Variants in AKR1C8 observed in about 807,000 individuals in gnomAD.
The protein encoded by AKR1C8 is aldo-keto reductase family 1 member C-like protein 1.
the AKR1C8 span, among the ~76,000 whole-genome samples, chr10:5,142,950 A>T: frequency 6.6e-6 from 1 of 152,112 alleles, no homozygotes; most frequent in African/African-American, 2.4e-5. Flanking sequence ...AGGACAAAAA[A>T]GTGAGTCATA....
chr10:5,183,165 T>G, the AKR1C8 span, among the ~76,000 whole-genome samples: 1 of 152,008 alleles, frequency 6.6e-6, no homozygotes, highest in East Asian at 1.9e-4. Flanking sequence ...CAACAATCTC[T>G]GACTACAACA....
chr10:5,184,998 T>A, the AKR1C8 span: 1 of 534,548 alleles, frequency 1.9e-6, no homozygotes, highest in Non-Finnish European at 3.8e-6. Flanking sequence ...TTCAGCCTCC[T>A]GGGGTCCACT....
the AKR1C8 span, among the ~76,000 whole-genome samples, chr10:5,181,044 C>G: frequency 6.6e-6 from 1 of 152,210 alleles, no homozygotes. Flanking sequence ...CCCGGTACCT[C>G]AGATGGAAAT....
At chr10:5,164,927 T>A in the AKR1C8 span, among the ~76,000 whole-genome samples, 4 of 152,194 alleles carry the variant, frequency 2.6e-5, no homozygotes, top group Non-Finnish European at 4.4e-5. Flanking sequence ...TCATGTCTTC[T>A]GTTCCTTCTT....
chr10:5,154,286 C>T, the AKR1C8 span: 5 of 438,190 alleles, frequency 1.1e-5, no homozygotes, highest in Non-Finnish European at 1.9e-5. Context: ...TTTACCACCA[C>T]GTCCCTACTT....
chr10:5,133,855 T>C, the AKR1C8 span, among the ~76,000 whole-genome samples: 2 of 152,102 alleles, frequency 1.3e-5, no homozygotes, highest in Non-Finnish European at 2.9e-5. Flanking sequence ...GAAGTAAATA[T>C]GACGAGTAAA....
At chr10:5,124,408 G>A in the AKR1C8 span, among the ~76,000 whole-genome samples, 3 of 152,084 alleles carry the variant, frequency 2.0e-5, no homozygotes, top group African/African-American at 4.8e-5. Context: ...TAATTAAAGG[G>A]AAAGAGTTAA....
the AKR1C8 span, among the ~76,000 whole-genome samples, chr10:5,142,275 G>T: frequency 6.6e-6 from 1 of 152,244 alleles, no homozygotes; most frequent in South Asian, 2.1e-4. Flanking sequence ...TGTTGTGGCT[G>T]GTTGATCTTC....
the AKR1C8 span, among the ~76,000 whole-genome samples, chr10:5,138,493 G>A: frequency 6.6e-6 from 1 of 151,962 alleles, no homozygotes; most frequent in Admixed American, 6.6e-5. Flanking sequence ...CTTTTTCAAG[G>A]TGCACTGATT....
At chr10:5,178,404 G>A in the AKR1C8 span, among the ~76,000 whole-genome samples, 1 of 152,162 alleles carries the variant, frequency 6.6e-6, no homozygotes, top group Admixed American at 6.5e-5. Context: ...TTCCAACCAT[G>A]TGGTCAATTT....
the AKR1C8 span, among the ~76,000 whole-genome samples, chr10:5,171,200 T>C: frequency 6.6e-6 from 1 of 152,082 alleles, no homozygotes; most frequent in Admixed American, 6.6e-5. Flanking sequence ...TAAGAGTACC[T>C]GTTAGAGCTT....
At chr10:5,177,130 T>C in the AKR1C8 span, among the ~76,000 whole-genome samples, 1 of 152,188 alleles carries the variant, frequency 6.6e-6, no homozygotes, top group South Asian at 2.1e-4. Context: ...TAGATAGCTC[T>C]TATTATTTTG....
the AKR1C8 span, among the ~76,000 whole-genome samples, chr10:5,152,980 A>T: frequency 1.3e-5 from 2 of 152,132 alleles, no homozygotes; most frequent in Non-Finnish European, 2.9e-5. Flanking sequence ...TTGAAAAAAA[A>T]GTTTGGAATG....
the AKR1C8 span, among the ~76,000 whole-genome samples, chr10:5,164,987 G>A: frequency 4.3e-3 from 648 of 152,096 alleles, 7 homozygotes; most frequent in Non-Finnish European, 6.7e-3. Context: ...ATTCTTATTG[G>A]GTAAACTCAG....
chr10:5,134,559 T>C, the AKR1C8 span, among the ~76,000 whole-genome samples: 5 of 152,124 alleles, frequency 3.3e-5, no homozygotes, highest in Admixed American at 3.3e-4. Flanking sequence ...AGGTTCTAGT[T>C]TTTTCTTAAA....
the AKR1C8 span, among the ~76,000 whole-genome samples, chr10:5,144,458 C>T: frequency 3.3e-5 from 5 of 151,804 alleles, no homozygotes; most frequent in Admixed American, 1.3e-4. Flanking sequence ...TGTAAATTAC[C>T]TTGGGCAGTA....
At chr10:5,178,720 T>G in the AKR1C8 span, among the ~76,000 whole-genome samples, 1 of 152,196 alleles carries the variant, frequency 6.6e-6, no homozygotes, top group Non-Finnish European at 1.5e-5. Flanking sequence ...AATTGATCCC[T>G]TTACCATTAT....
chr10:5,166,299 T>A, the AKR1C8 span, among the ~76,000 whole-genome samples: 2 of 152,172 alleles, frequency 1.3e-5, no homozygotes, highest in East Asian at 3.9e-4. Flanking sequence ...TTAAAGTTCA[T>A]ATGGAACCAA....
the AKR1C8 span, among the ~76,000 whole-genome samples, chr10:5,179,170 C>G: frequency 6.6e-6 from 1 of 152,008 alleles, no homozygotes; most frequent in Non-Finnish European, 1.5e-5. Flanking sequence ...TTAGGGCAGG[C>G]CTGGTGGTGA....
Sources: gnomAD v4.1 joint callset for allele counts (sites outside exome capture counted in the v4.1 genomes callset) on GRCh38, gnomAD v4.1.1 for gene constraint, MANE v1.5 for transcripts, NCBI Gene and HGNC (gene_info 2026-07-23, HGNC 2026-07-21) for gene names.